Variants in DNAH10 observed in about 807,000 individuals in gnomAD.
DNAH10 encodes axonemal beta dynein heavy chain 10.
Under a neutral mutation model 506.6 loss-of-function variants are expected in DNAH10, and 348 were observed. The observed-to-expected ratio is 0.69, with a 90% CI of 0.63 to 0.75. The LOEUF (loss-of-function observed/expected upper bound fraction) is 0.75, where lower values mean the gene tolerates loss of function less well. Among genes scored for constraint, DNAH10 ranks in the 30% least tolerant of loss-of-function variants. The pLI, the probability that DNAH10 is intolerant of heterozygous loss-of-function variation, is 0.00. For missense variants in DNAH10, 5,179 were observed against 5,787.1 expected, an observed-to-expected ratio of 0.89 and a Z score of 3.41; for synonymous variants, 2,059 against 2,198.6, an observed-to-expected ratio of 0.94 and a Z score of 1.78.
rs760985176 is a variant in DNAH10 at position 123,813,591 on chromosome 12, T to C, written c.3572T>C (p.Leu1191Pro). ...TGGGTGATTTCGCTTGGAAAACTTC[T>C]CAATGAGTCAGCAAAAGAGGAGCTC... ...KSWVISLGKL[L>P]NESAKEELYN... Residue 1191 changes from leucine (L) to proline (P), a missense_variant, in exon 20 of 79, where the codon CTC (leucine) becomes CCC (proline). Physicochemically the swap from Leu to Pro is moderately conservative, Grantham distance 98. Transcript: ENST00000673944. The C allele has an allele frequency of 3.1e-6, 5 of 1,614,228 alleles. No homozygotes were observed. The highest frequency in any genetic ancestry group is 4.2e-6 in the Non-Finnish European group (5 of 1,180,034).
At chr12:123,848,191 G>A in intron 33 of DNAH10, 96 bp downstream of exon 33, 1 of 1,505,774 alleles carries the variant, frequency 6.6e-7, no homozygotes, top group South Asian at 1.3e-5. Context: ...CATGGCGACA[G>A]TGGAAGAAGC....
intron 38 of DNAH10, 130 bp from the exon 39 acceptor site, chr12:123,860,882 A>C: frequency 8.6e-7 from 1 of 1,162,880 alleles, no homozygotes. Flanking sequence ...CCCAGTGAAG[A>C]GTTTGCATGG....
At chr12:123,826,658 T>C in intron 24 of DNAH10, 29 bp from the exon 25 acceptor site, 1 of 1,597,212 alleles carries the variant, frequency 6.3e-7, no homozygotes, top group Non-Finnish European at 8.6e-7. Context: ...GGGTCTTTGT[T>C]GATGGAGCTG....
intron 28 of DNAH10, 103 bp from the exon 29 acceptor site, chr12:123,838,353 C>A: frequency 1.0e-6 from 1 of 1,000,410 alleles, no homozygotes; most frequent in Non-Finnish European, 1.5e-6. Context: ...AGTTTTGTCT[C>A]GGCCGTGCCT....
intron 57 of DNAH10, among the ~76,000 whole-genome samples, chr12:123,904,982 T>G (rs1953708370): frequency 6.6e-6 from 1 of 152,208 alleles, no homozygotes; most frequent in Non-Finnish European, 1.5e-5. Context: ...CTGAGGATTT[T>G]CATGCATGAC....
chr12:123,801,475 C>A, intron 16 of DNAH10, 43 bp downstream of exon 16: 1 of 1,586,028 alleles, frequency 6.3e-7, no homozygotes, highest in Non-Finnish European at 8.6e-7. Flanking sequence ...ACTTGGGATG[C>A]AAAGTAATTC....
rs149566913 is a variant in DNAH10, at chr12:123,883,100, G to A, written c.8823+1287G>A. Among the ~76,000 whole-genome samples the A allele has an allele frequency of 2.9e-3, 441 of 152,222 alleles. 2 individuals are homozygous for A. The highest frequency in any genetic ancestry group is 0.01 in the African/African-American group (428 of 41,540). On this transcript the variant is annotated intron_variant, in intron 51 of 78. Transcript: ENST00000673944. The stretch of plus-strand genomic sequence containing the variant: ...GGAGGCCCTCGTGTGGCTATGCCAC[G>A]TTTCCTTTATCCACTGCTGGGCGTG...
intron 34 of DNAH10, among the ~76,000 whole-genome samples, chr12:123,849,529 G>A (rs1351803632): frequency 6.6e-6 from 1 of 152,118 alleles, no homozygotes; most frequent in Admixed American, 6.5e-5. Context: ...GGACCAGCGT[G>A]GGTGGGCCAT....
In DNAH10 at chr12:123,929,668, G is replaced by A; in HGVS notation, c.12521G>A (p.Cys4174Tyr). The A allele has an allele frequency of 6.2e-7, 1 of 1,612,930 alleles. No individual in the cohort carries two copies. Among genetic ancestry groups the A allele is most frequent in the Non-Finnish European group, 8.5e-7 (1 of 1,179,424 alleles). Residue 4174 changes from cysteine (C) to tyrosine (Y), a missense_variant, in exon 72 of 79, where the codon TGC (cysteine) becomes TAC (tyrosine). Cys to Tyr is a radical substitution (Grantham distance 194). This residue lies in a region of DNAH10 where 4,844 missense variants were observed against 5,430.5 expected (regional missense o/e 0.89). Coordinates refer to ENST00000673944, the MANE Select transcript of DNAH10 (RefSeq NM_001372106.1). ...YDFNESDFQV[C>Y]MEILNTYLTK... ...AGCGTGTTCTCTTCTTTCAAGGTCT[G>A]CATGGAAATTCTGAACACGTACTTA...
rs914852827 is a variant in DNAH10, at chr12:123,846,260, A to G, written c.5814+106A>G. 7 of 1,335,068 alleles carry G rather than the reference A, an allele frequency of 5.2e-6. No homozygotes were observed. Among genetic ancestry groups the G allele is most frequent in the South Asian group, 1.5e-5 (1 of 67,002 alleles). The allele number at this position is 1,335,068 out of a possible 1,614,324, so 82.7% of individuals were successfully genotyped here. ...AGTGATTGAAATAGCAGGGGAGATC[A>G]TTGCTTTGAAATCTCGAAAAGCTTT... is the stretch of plus-strand genomic sequence containing the variant. On this transcript the variant is annotated intron_variant, in intron 32 of 78. Coordinates refer to ENST00000673944, the MANE Select transcript of DNAH10 (RefSeq NM_001372106.1). This position sits in a 1 kb window ranked among gnomAD's most constrained non-coding sequence, Gnocchi z 4.5.
intron 30 of DNAH10, among the ~76,000 whole-genome samples, chr12:123,843,439 C>G (rs1489371914): frequency 6.6e-6 from 1 of 152,134 alleles, no homozygotes; most frequent in African/African-American, 2.4e-5. Flanking sequence ...TCCTCTGGGC[C>G]TTCGTAATCT....
At position 123,925,351 on chromosome 12, in the gene DNAH10, C is replaced by T. The variant is rs1954898381; in HGVS notation, c.11921+147C>T. ...TGTACAATATTCGATAGCCGATATT[C>T]TAGAATTCTTCAATATTCTAGAACA... On this transcript the variant is annotated intron_variant, in intron 68 of 78. Transcript: ENST00000673944. This position sits in a 1 kb window ranked among gnomAD's most constrained non-coding sequence, Gnocchi z 4.0. 1 of 1,078,398 alleles carries T rather than the reference C, an allele frequency of 9.3e-7. No homozygotes were observed. Among genetic ancestry groups the T allele is most frequent in the East Asian group, 2.6e-5 (1 of 39,210 alleles). 66.8% of individuals were successfully genotyped at this position (1,078,398 alleles called of 1,614,324 possible).
rs546638678 is a variant in DNAH10 at position 123,883,048 on chromosome 12, G to A, written c.8823+1235G>A. Among the ~76,000 whole-genome samples, 4 of 152,186 alleles carry A rather than the reference G, an allele frequency of 2.6e-5. No individual in the cohort carries two copies. In the East Asian group the frequency reaches 7.7e-4, roughly 29 times the overall value. On this transcript the variant is annotated intron_variant, in intron 51 of 78. Transcript: ENST00000673944. ...CAAAGTTCATGTTGTAGCATACATCGGTACTTCATTTTTTTTTTGCCAAAT... is the reference window on the plus strand; with the variant it reads ...CAAAGTTCATGTTGTAGCATACATCAGTACTTCATTTTTTTTTTGCCAAAT...
intron 19 of DNAH10, among the ~76,000 whole-genome samples, chr12:123,812,301 A>G (rs1261435921): frequency 6.6e-6 from 1 of 151,984 alleles, no homozygotes; most frequent in Non-Finnish European, 1.5e-5. Flanking sequence ...AATACCAAAA[A>G]TTATCTGGAT....
rs778379989 is a variant in DNAH10 at position 123,785,908 on chromosome 12, C to T, written c.1393C>T (p.Arg465Ter). 23 of 1,613,512 alleles carry T rather than the reference C, an allele frequency of 1.4e-5. No individual in the cohort carries two copies. The highest frequency in any genetic ancestry group is 3.3e-5 in the Admixed American group (2 of 59,980). ...CTGGGAAATCGCTGAGAGAGTCTGC[C>T]GAGTGGTCAACCTGCGGACTTTGTT... ...IAWEIAERVCRVVNLRTLFKE... is the reference protein window; with the variant it reads ...IAWEIAERVC Residue 465 changes from arginine to a stop codon, truncating the protein, a stop_gained, in exon 9 of 79, where the codon CGA becomes TGA. Transcript: ENST00000673944. LOFTEE classifies it high-confidence loss of function. The surrounding 1 kb of genome is among the most constrained non-coding windows in gnomAD (Gnocchi z 4.1).
In DNAH10 at chr12:123,913,262, G is replaced by C; in HGVS notation, c.10299G>C (p.Arg3433Ser). 6.2e-7 allele frequency: 1 copy of C among 1,607,974 alleles called. No homozygotes were observed. Among genetic ancestry groups the C allele is most frequent in the East Asian group, 2.2e-5 (1 of 44,694 alleles). ...AGGAAGAAGCCGAGATCATGGAGAG[G>C]CGGCTGATTGCCGCAGACAAACTCA... is the stretch of plus-strand genomic sequence containing the variant. ...KLQEEAEIME[R>S]RLIAADKLIS... The change falls in exon 60 of 79, where the codon AGG becomes AGC. Residue 3433 changes from arginine (R) to serine (S), a missense_variant. Around this residue, in one of 3 missense-constraint regions of DNAH10, gnomAD observed 4,844 missense variants for 5,430.5 expected, o/e 0.89. Coordinates refer to ENST00000673944, the MANE Select transcript of DNAH10 (RefSeq NM_001372106.1). The surrounding 1 kb of genome is among the most constrained non-coding windows in gnomAD (Gnocchi z 5.1).
chr12:123,928,867 CA>C lies in DNAH10; in HGVS notation c.12306+281del, dbSNP rs58837775. 14,627 of 402,616 alleles carry C rather than the reference CA, an allele frequency of 0.036. 1,449 individuals carry two copies. Among genetic ancestry groups the C allele is most frequent in the African/African-American group, 0.35 (11,322 of 32,528 alleles). The allele number at this position is 402,616 out of a possible 1,614,324, so 24.9% of individuals were successfully genotyped here. On this transcript the variant is annotated intron_variant, in intron 70 of 78. Coordinates refer to ENST00000673944, the MANE Select transcript of DNAH10 (RefSeq NM_001372106.1). The surrounding 1 kb of genome is among the most constrained non-coding windows in gnomAD (Gnocchi z 4.9). The stretch of plus-strand genomic sequence containing the variant: ...TCATAAACTTCACGGCCCCCCCCCC[CA>C]CACACAGCCTGCAGTTCGCTAGTGC...
intron 19 of DNAH10, among the ~76,000 whole-genome samples, chr12:123,811,129 C>T (rs143779115): frequency 0.019 from 2,902 of 152,198 alleles, 59 homozygotes; most frequent in Non-Finnish European, 0.025. Flanking sequence ...ATTCCTATTT[C>T]GTGGCAAAAA....
chr12:123,835,516 A>C lies in DNAH10; in HGVS notation c.4890A>C (p.Lys1630Asn). The change falls in exon 28 of 79, where the codon AAA becomes AAC. Residue 1630 changes from lysine (K) to asparagine (N), a missense_variant. Coordinates refer to ENST00000673944, the MANE Select transcript of DNAH10 (RefSeq NM_001372106.1). ...CAAAAAAGTTTGACAACATCGATAA[A>C]GTATTTAAAAGGGCAAGTGACTCGC... is the stretch of plus-strand genomic sequence containing the variant. ...EEAKKFDNIDKVFKRIMGETL... is the reference protein window; with the variant it reads ...EEAKKFDNIDNVFKRIMGETL... The C allele has an allele frequency of 6.2e-7, 1 of 1,607,696 alleles. No individual in the cohort carries two copies. The highest frequency in any genetic ancestry group is 8.5e-7 in the Non-Finnish European group (1 of 1,176,784).
Sources: allele counts gnomAD v4.1 joint callset (sites outside exome capture counted in the v4.1 genomes callset), GRCh38; gene constraint gnomAD v4.1.1; regional missense constraint gnomAD v4.1.1; non-coding constraint Gnocchi (gnomAD v3.1); transcripts MANE v1.5; gene names NCBI Gene and HGNC (gene_info 2026-07-23, HGNC 2026-07-21).